The following SLC1A6 variants were observed in gnomAD, a reference collection of about 807,000 sequenced individuals.
SLC1A6 encodes excitatory amino acid transporter 4.
In SLC1A6, 15 loss-of-function variants were observed where a neutral mutation model predicts 42.1. The observed-to-expected ratio is 0.36, with a 90% CI of 0.24 to 0.55. The LOEUF (loss-of-function observed/expected upper bound fraction) is 0.55, where lower values mean the gene tolerates loss of function less well. SLC1A6 is among the 20% of genes least tolerant of loss of function. SLC1A6 has a pLI of 0.88. For missense variants in SLC1A6, 542 were observed against 772.5 expected, an observed-to-expected ratio of 0.70 and a Z score of 3.54; for synonymous variants, 317 against 319.7, an observed-to-expected ratio of 0.99 and a Z score of 0.09.
chr19:14,956,720 G>A lies in SLC1A6; in HGVS notation c.936-11C>T. 6.3e-7 allele frequency: 1 copy of A among 1,576,622 alleles called. No individual in the cohort carries two copies. The highest frequency in any genetic ancestry group is 8.7e-7 in the Non-Finnish European group (1 of 1,150,438). On this transcript the variant is annotated splice_polypyrimidine_tract_variant and intron_variant, in intron 6 of 9. Transcript: ENST00000594383. ...CCCACAGGTGCATACCTGTGTGAGG[G>A]AGCCACATACCTGTCAGGGCTCCCT...
At chr19:14,970,202 T>C (rs2045621641) in intron 3 of SLC1A6, among the ~76,000 whole-genome samples, 2 of 152,136 alleles carry the variant, frequency 1.3e-5, no homozygotes, top group African/African-American at 4.8e-5. Flanking sequence ...CTCGAGTAGC[T>C]AGGACTATGG....
intron 1 of SLC1A6, among the ~76,000 whole-genome samples, chr19:15,002,295 G>GT (rs2045875809): frequency 6.6e-6 from 1 of 151,856 alleles, no homozygotes; most frequent in African/African-American, 2.4e-5. Context: ...TGGGTTTTTT[G>GT]TTTTGTTTTG....
In SLC1A6 at chr19:14,956,604, G is replaced by T. The variant is rs1052221213; in HGVS notation, c.1041C>A (p.Ile347=). 1 of 1,613,860 alleles carries T rather than the reference G, an allele frequency of 6.2e-7. No homozygotes were observed. The highest frequency in any genetic ancestry group is 8.5e-7 in the Non-Finnish European group (1 of 1,179,870). The part of the protein sequence containing the change: ...GQLGMYTLTV[I]VGLFLHAGIV... Reference sequence around the variant, plus strand: ...TGCCGGCATGGAGGAACAGGCCCACGATGACGGTCAGGGTGTACATGCCCA... The same window carrying T: ...TGCCGGCATGGAGGAACAGGCCCACTATGACGGTCAGGGTGTACATGCCCA... The change falls in exon 7 of 10, where the codon ATC becomes ATA. Residue 347 remains isoleucine, a synonymous_variant. Transcript: ENST00000594383.
chr19:14,998,911 T>G (rs1470382224), intron 1 of SLC1A6, among the ~76,000 whole-genome samples: 4 of 145,534 alleles, frequency 2.7e-5, no homozygotes, highest in Non-Finnish European at 6.0e-5. Context: ...GGAGTCTTGC[T>G]CTGTCACCCA....
chr19:14,985,929 G>C (rs954108397), intron 1 of SLC1A6, among the ~76,000 whole-genome samples: 2 of 152,128 alleles, frequency 1.3e-5, no homozygotes, highest in Non-Finnish European at 2.9e-5. Context: ...CTGCACTCCA[G>C]CCTGGGCAGC....
At chr19:15,010,328 C>T (rs562981942) in intron 1 of SLC1A6, among the ~76,000 whole-genome samples, 4 of 152,198 alleles carry the variant, frequency 2.6e-5, no homozygotes, top group South Asian at 2.1e-4. Flanking sequence ...GCAAAGTGGC[C>T]AGCCATGGGA....
At chr19:15,000,723 G>A (rs2045868290) in intron 1 of SLC1A6, among the ~76,000 whole-genome samples, 1 of 152,246 alleles carries the variant, frequency 6.6e-6, no homozygotes, top group African/African-American at 2.4e-5. Flanking sequence ...TGATCATCAT[G>A]TTTTCACACG....
At chr19:14,982,587 T>C (rs2045773625), upstream of SLC1A6, among the ~76,000 whole-genome samples, 1 of 152,190 alleles carries the variant, frequency 6.6e-6, no homozygotes, top group African/African-American at 2.4e-5. Flanking sequence ...TAATAATATA[T>C]CAATATTACA....
intron 1 of SLC1A6, among the ~76,000 whole-genome samples, chr19:14,996,558 CTTG>C (rs760819124): frequency 0.011 from 1,540 of 139,276 alleles, 72 homozygotes; most frequent in African/African-American, 0.017. Context: ...TCTTCTTCTT[CTTG>C]TTCTTCTTCC....
At chr19:14,997,330 T>A (rs1415874545) in intron 1 of SLC1A6, among the ~76,000 whole-genome samples, 1 of 152,116 alleles carries the variant, frequency 6.6e-6, no homozygotes, top group East Asian at 1.9e-4. Context: ...ATGTCTCGTG[T>A]CTCTCTAAAA....
intron 1 of SLC1A6, among the ~76,000 whole-genome samples, chr19:14,991,475 T>A (rs2145232339): frequency 6.6e-6 from 1 of 152,046 alleles, no homozygotes; most frequent in Admixed American, 6.6e-5. Flanking sequence ...ATACAAAAAT[T>A]AGCTGGGTGT....
chr19:14,986,764 C>T (rs2045794858), intron 1 of SLC1A6, among the ~76,000 whole-genome samples: 3 of 151,836 alleles, frequency 2.0e-5, no homozygotes, highest in Admixed American at 2.0e-4. Flanking sequence ...CTAATTTTTC[C>T]TCTACTTTTT....
chr19:15,008,680 G>A (rs2045908153), intron 1 of SLC1A6, among the ~76,000 whole-genome samples: 1 of 152,086 alleles, frequency 6.6e-6, no homozygotes, highest in Middle Eastern at 3.2e-3. Flanking sequence ...GCAGATGATT[G>A]GATGTTAAAA....
intron 1 of SLC1A6, among the ~76,000 whole-genome samples, chr19:14,978,970 C>T (rs545787459): frequency 1.3e-5 from 2 of 149,764 alleles, no homozygotes; most frequent in South Asian, 4.3e-4. Context: ...TCAAAATCAT[C>T]CTCACATTTA....
chr19:14,996,528 T>TTTCTTCTTCTTCTTCCTC (rs2045846986), intron 1 of SLC1A6, among the ~76,000 whole-genome samples: 1 of 125,854 alleles, frequency 7.9e-6, no homozygotes, highest in African/African-American at 3.1e-5. Context: ...CCTCCTCCTC[T>TTTCTTCTTCTTCTTCCTC]TTCTTCTTCT....
At chr19:14,973,023 C>G (rs1568293348) in intron 1 of SLC1A6, 106 bp from the exon 2 acceptor site, 1 of 872,564 alleles carries the variant, frequency 1.1e-6, no homozygotes, top group Non-Finnish European at 1.7e-6. Context: ...TGAGGACTCT[C>G]AGAAGGCGGG....
intron 5 of SLC1A6, among the ~76,000 whole-genome samples, chr19:14,963,314 G>A (rs2045536324): frequency 1.3e-5 from 2 of 152,188 alleles, no homozygotes; most frequent in South Asian, 4.1e-4. Context: ...CAGGGAAATT[G>A]GGGAGATGTT....
chr19:14,978,500 C>T (rs1022955352), intron 1 of SLC1A6, among the ~76,000 whole-genome samples: 3 of 152,096 alleles, frequency 2.0e-5, no homozygotes, highest in Non-Finnish European at 4.4e-5. Context: ...GCAAACTCTT[C>T]AGACATGCAA....
upstream of SLC1A6, among the ~76,000 whole-genome samples, chr19:14,982,421 C>T (rs1416472356): frequency 6.6e-6 from 1 of 151,740 alleles, no homozygotes; most frequent in African/African-American, 2.4e-5. Flanking sequence ...CCCAGCTACT[C>T]GGGAGGCTGA....
Sources: gnomAD v4.1 joint callset for allele counts (sites outside exome capture counted in the v4.1 genomes callset) on GRCh38, gnomAD v4.1.1 for gene constraint, MANE v1.5 for transcripts, NCBI Gene and HGNC (gene_info 2026-07-23, HGNC 2026-07-21) for gene names.